The following PCDH15 variants were observed in gnomAD, a reference collection of about 807,000 sequenced individuals.
PCDH15 encodes protocadherin related 15.
PCDH15 carries 129 observed loss-of-function variants against 178.5 expected under a neutral mutation model. The observed-to-expected ratio is 0.72, with a 90% CI of 0.63 to 0.84. The LOEUF (loss-of-function observed/expected upper bound fraction) is 0.84, where lower values mean the gene tolerates loss of function less well. Ranked by LOEUF, PCDH15 falls within the 40% of genes least tolerant of loss-of-function variation. The pLI is 0.00. For synonymous variants in PCDH15, 800 were observed against 732.0 expected (o/e 1.09, Z -1.50); for missense variants, 2,230 against 2,099.9 (o/e 1.06, Z -1.21).
chr10:54,109,862 C>T (rs10763067), intron 15 of PCDH15, among the ~76,000 whole-genome samples: 36,968 of 152,012 alleles, frequency 0.24, 5,758 homozygotes, highest in East Asian at 0.86. Flanking sequence ...TTTTTTGTAA[C>T]ATAAAGGATA....
intron 3 of PCDH15, among the ~76,000 whole-genome samples, chr10:54,477,042 C>A (rs756638326): frequency 3.9e-5 from 6 of 152,062 alleles, no homozygotes; most frequent in Non-Finnish European, 7.4e-5. Flanking sequence ...ACTGAGGGAG[C>A]CTCCTAATCC....
At chr10:53,882,345 A>G (rs1004341631) in intron 26 of PCDH15, among the ~76,000 whole-genome samples, 1 of 152,090 alleles carries the variant, frequency 6.6e-6, no homozygotes, top group Non-Finnish European at 1.5e-5. Flanking sequence ...GGGCCTTTGC[A>G]GCTTCCACAC....
intron 1 of PCDH15, among the ~76,000 whole-genome samples, chr10:55,235,028 G>A (rs1212124811): frequency 6.6e-6 from 1 of 151,920 alleles, no homozygotes; most frequent in Non-Finnish European, 1.5e-5. Flanking sequence ...CAAAGTCTAG[G>A]TTTGATATAC....
intron 14 of PCDH15, among the ~76,000 whole-genome samples, chr10:54,148,615 A>T (rs1472631927): frequency 6.6e-6 from 1 of 152,092 alleles, no homozygotes; most frequent in African/African-American, 2.4e-5. Flanking sequence ...CTTTTTGGAT[A>T]TATTAAGTTT....
chr10:55,473,201 T>C (rs1015122119), intron 2 of PCDH15, among the ~76,000 whole-genome samples: 1 of 152,184 alleles, frequency 6.6e-6, no homozygotes, highest in Non-Finnish European at 1.5e-5. Flanking sequence ...TGTGGAATTG[T>C]TGCAATGCAT....
At chr10:53,811,822 C>T (rs2075874834) in intron 35 of PCDH15, among the ~76,000 whole-genome samples, 1 of 152,062 alleles carries the variant, frequency 6.6e-6, no homozygotes, top group African/African-American at 2.4e-5. Flanking sequence ...TGGCTGTAAC[C>T]ATTTGATACA....
At chr10:54,844,427 T>C (rs1953469610) in intron 3 of PCDH15, among the ~76,000 whole-genome samples, 1 of 152,016 alleles carries the variant, frequency 6.6e-6, no homozygotes, top group Non-Finnish European at 1.5e-5. Context: ...TTTAGGCATA[T>C]GCCTTCATAG....
At chr10:54,830,941 T>G (rs1476359833) in intron 3 of PCDH15, among the ~76,000 whole-genome samples, 1 of 151,956 alleles carries the variant, frequency 6.6e-6, no homozygotes, top group Non-Finnish European at 1.5e-5. Flanking sequence ...AACTTCATAA[T>G]GGAACAGTTA....
chr10:54,762,924 T>C (rs1170872668), intron 1 of PCDH15, among the ~76,000 whole-genome samples: 1 of 152,204 alleles, frequency 6.6e-6, no homozygotes, highest in Admixed American at 6.5e-5. Flanking sequence ...TGTTTTTGTT[T>C]TCTTGAAATA....
Position 54,528,042 on chromosome 10 carries a change from C to T in PCDH15, c.92-165G>A, listed in dbSNP as rs116415305. On this transcript the variant is annotated intron_variant, in intron 2 of 37. Transcript: ENST00000644397. ...ATTTAAAAACATTTTATAATAACCA[C>T]ATAGATTCCTTACCACATCATAATA... Among the ~76,000 whole-genome samples the T allele has an allele frequency of 0.018, 2,693 of 152,110 alleles. 81 individuals carry two copies. The highest frequency in any genetic ancestry group is 0.06 in the African/African-American group (2,502 of 41,508).
chr10:53,866,605 G>A lies in PCDH15; in HGVS notation c.3717+37C>T, dbSNP rs532041991. The A allele has an allele frequency of 3.1e-5, 47 of 1,503,010 alleles. 1 individual carries two copies. Among genetic ancestry groups the A allele is most frequent in the African/African-American group, 3.0e-4 (22 of 72,694 alleles). 93.1% of individuals were successfully genotyped at this position (1,503,010 alleles called of 1,614,324 possible). A position where few individuals can be genotyped will look rare whatever the true frequency, so the allele number is the denominator to read the frequency against. ...AAAACACTGACCTATGGCTAGTATC[G>A]TAGCTACTTCCCTTTCCTGAAGTTT... On this transcript the variant is annotated intron_variant, in intron 27 of 37. Coordinates refer to ENST00000644397, the MANE Select transcript of PCDH15 (RefSeq NM_001384140.1).
intron 2 of PCDH15, among the ~76,000 whole-genome samples, chr10:55,626,170 T>G: frequency 6.7e-6 from 1 of 149,336 alleles, no homozygotes; most frequent in East Asian, 2.2e-4. Flanking sequence ...AATAAATAAA[T>G]AAATAAATAA....
At chr10:54,135,928 T>C (rs1302943898) in intron 14 of PCDH15, among the ~76,000 whole-genome samples, 1 of 152,206 alleles carries the variant, frequency 6.6e-6, no homozygotes, top group Admixed American at 6.5e-5. Flanking sequence ...TGTAAGTACA[T>C]GTATACATAT....
intron 16 of PCDH15, among the ~76,000 whole-genome samples, chr10:54,088,573 A>G (rs1418222752): frequency 6.6e-6 from 1 of 152,166 alleles, no homozygotes; most frequent in Non-Finnish European, 1.5e-5. Flanking sequence ...TATCAATTTT[A>G]TCGTTAATCT....
At chr10:54,427,269 G>GTTTTTTTTTTTTTTTTTTTTT (rs71007854) in intron 3 of PCDH15, among the ~76,000 whole-genome samples, 1 of 56,760 alleles carries the variant, frequency 1.8e-5, no homozygotes, top group African/African-American at 8.3e-5. Context: ...TCTTTTTCTG[G>GTTTTTTTTTTTTTTTTTTTTT]TTTTTTTTTT....
At chr10:54,119,649 A>T (rs920732180) in intron 15 of PCDH15, among the ~76,000 whole-genome samples, 1 of 152,112 alleles carries the variant, frequency 6.6e-6, no homozygotes, top group Non-Finnish European at 1.5e-5. Flanking sequence ...TCAAGAGAAC[A>T]TCTGTGAGAT....
chr10:55,578,362 C>A (rs191271069), intron 2 of PCDH15, among the ~76,000 whole-genome samples: 1 of 151,988 alleles, frequency 6.6e-6, no homozygotes, highest in African/African-American at 2.4e-5. Context: ...GGATTACAGG[C>A]GCCTGCCACC....
At chr10:54,084,259 GCCATCAGTTTT>G (rs1165568972) in intron 16 of PCDH15, among the ~76,000 whole-genome samples, 1 of 151,684 alleles carries the variant, frequency 6.6e-6, no homozygotes, top group Non-Finnish European at 1.5e-5. Context: ...AAAGCTCTGT[GCCATCAGTTTT>G]CCCTTCTGTC....
intron 2 of PCDH15, among the ~76,000 whole-genome samples, chr10:54,979,943 A>G (rs1839188008): frequency 6.6e-6 from 1 of 152,166 alleles, no homozygotes; most frequent in Non-Finnish European, 1.5e-5. Flanking sequence ...AGTTCCAGGA[A>G]TGAAATGTAG....
Sources: gnomAD v4.1 joint callset for allele counts (sites outside exome capture counted in the v4.1 genomes callset) on GRCh38, gnomAD v4.1.1 for gene constraint, MANE v1.5 for transcripts, NCBI Gene and HGNC (gene_info 2026-07-23, HGNC 2026-07-21) for gene names.